FGF14: variants seen among roughly 807,000 people sequenced by gnomAD.
FGF14 encodes the protein fibroblast growth factor homologous factor 4.
Under a neutral mutation model 25.5 loss-of-function variants are expected in FGF14, and 5 were observed. The observed-to-expected ratio is 0.20, with a 90% CI of 0.10 to 0.41. The LOEUF (loss-of-function observed/expected upper bound fraction) is 0.41. FGF14 is among the 10% of genes least tolerant of loss of function. The pLI is 1.00. For synonymous variants in FGF14, 138 were observed against 118.3 expected, an observed-to-expected ratio of 1.17 and a Z score of -1.08; for missense variants, 222 against 320.1, an observed-to-expected ratio of 0.69 and a Z score of 2.34.
At chr13:102,378,888 G>A (rs943078485) in intron 1 of FGF14, among the ~76,000 whole-genome samples, 2 of 152,048 alleles carry the variant, frequency 1.3e-5, no homozygotes, top group Non-Finnish European at 2.9e-5. Flanking sequence ...GAGGCATTTA[G>A]TGGCCTTTAC....
chr13:102,195,313 A>G (rs2140847769), intron 1 of FGF14, among the ~76,000 whole-genome samples: 1 of 152,292 alleles, frequency 6.6e-6, no homozygotes, highest in African/African-American at 2.4e-5. Context: ...TGATGGACTT[A>G]TAATCTGTAA....
rs144066011 is a variant in FGF14 at position 102,144,199 on chromosome 13, G to C, written c.208+257272C>G. Among the ~76,000 whole-genome samples the C allele has an allele frequency of 1.8e-3, 270 of 152,150 alleles. 1 individual carries two copies. The highest frequency in any genetic ancestry group is 6.3e-3 in the African/African-American group (260 of 41,514). ...CCTGGCTAATATATATCTATGGCATGAGCTACTGTATCTGGCCCGCCATGC... is the reference window on the plus strand; with the variant it reads ...CCTGGCTAATATATATCTATGGCATCAGCTACTGTATCTGGCCCGCCATGC... On this transcript the variant is annotated intron_variant, in intron 1 of 4. Transcript: ENST00000376131.
intron 1 of FGF14, among the ~76,000 whole-genome samples, chr13:102,162,568 TATA>T (rs1179228554): frequency 6.6e-5 from 10 of 152,214 alleles, no homozygotes; most frequent in African/African-American, 2.4e-4. Context: ...GTATCAAGTT[TATA>T]ATATTACTAC....
chr13:102,367,517 C>A (rs2057747724), intron 1 of FGF14: 1 of 152,190 alleles, frequency 6.6e-6, no homozygotes, highest in Non-Finnish European at 1.5e-5. Flanking sequence ...GCTCTATTCA[C>A]TGACAGAGGG....
chr13:101,711,314 C>T lies in FGF14; in HGVS notation c.*11517G>A, dbSNP rs1225428374. 1 of 152,194 alleles carries T rather than the reference C, an allele frequency of 6.6e-6. No homozygotes were observed. The highest frequency in any genetic ancestry group is 2.4e-5 in the African/African-American group (1 of 41,410). 9.4% of individuals were successfully genotyped at this position (152,194 alleles called of 1,614,324 possible). ...ATGTCATTAACTGTCTCCTTAAACT[C>T]TCACAGTGATACTTCTTGGGTCCCA... On this transcript the variant is annotated 3_prime_UTR_variant, in exon 5 of 5. Transcript: ENST00000376143.
chr13:102,074,094 T>C (rs371177139), intron 1 of FGF14, among the ~76,000 whole-genome samples: 66 of 152,262 alleles, frequency 4.3e-4, no homozygotes, highest in African/African-American at 1.5e-3. Context: ...TCACTGCAGC[T>C]TCAACCTCCT....
intron 1 of FGF14, among the ~76,000 whole-genome samples, chr13:101,880,463 AG>A (rs2045641903): frequency 2.0e-5 from 3 of 152,162 alleles, no homozygotes; most frequent in African/African-American, 7.2e-5. Context: ...GCTATTCTGG[AG>A]GCTGAGGCAT....
intron 1 of FGF14, among the ~76,000 whole-genome samples, chr13:102,019,845 T>C (rs1398304359): frequency 1.3e-5 from 2 of 152,142 alleles, no homozygotes; most frequent in Non-Finnish European, 2.9e-5. Context: ...AGAATTGGAC[T>C]CGTATTGTTG....
At chr13:102,072,655 G>A (rs1177174289) in intron 1 of FGF14, among the ~76,000 whole-genome samples, 1 of 152,176 alleles carries the variant, frequency 6.6e-6, no homozygotes, top group Non-Finnish European at 1.5e-5. Flanking sequence ...CAGCCAAGTT[G>A]CTTTAATGTG....
At chr13:101,992,681 A>G (rs1016016106) in intron 1 of FGF14, among the ~76,000 whole-genome samples, 7 of 152,112 alleles carry the variant, frequency 4.6e-5, no homozygotes, top group Non-Finnish European at 5.9e-5. Context: ...TTTTAAAAAG[A>G]AACTGACAGA....
At chr13:102,119,550 A>G (rs1013642585) in intron 1 of FGF14, among the ~76,000 whole-genome samples, 16 of 152,178 alleles carry the variant, frequency 1.1e-4, no homozygotes, top group African/African-American at 3.9e-4. Context: ...ATGTCAGTGG[A>G]AGTCCTTATT....
chr13:101,752,454 CTT>C (rs1420996087), intron 3 of FGF14, among the ~76,000 whole-genome samples: 2 of 152,082 alleles, frequency 1.3e-5, no homozygotes, highest in African/African-American at 4.8e-5. Context: ...ACAAACAAGT[CTT>C]AATATTGTGA....
chr13:102,093,762 C>A (rs1399909176), intron 1 of FGF14, among the ~76,000 whole-genome samples: 2 of 149,240 alleles, frequency 1.3e-5, no homozygotes, highest in East Asian at 2.0e-4. Context: ...TTGAGGTCTG[C>A]AGCTGTGGTT....
chr13:102,204,497 A>G (rs1210773534), intron 1 of FGF14, among the ~76,000 whole-genome samples: 1 of 152,188 alleles, frequency 6.6e-6, no homozygotes, highest in African/African-American at 2.4e-5. Context: ...TGGTTGGTGC[A>G]GGTTCAAACA....
intron 1 of FGF14, among the ~76,000 whole-genome samples, chr13:102,066,076 A>G (rs1246044996): frequency 2.0e-5 from 3 of 152,144 alleles, no homozygotes; most frequent in Non-Finnish European, 4.4e-5. Flanking sequence ...ATGTCAGCAC[A>G]AAATAATACA....
chr13:102,233,201 C>A (rs1469402951), intron 1 of FGF14, among the ~76,000 whole-genome samples: 2 of 152,156 alleles, frequency 1.3e-5, no homozygotes, highest in African/African-American at 4.8e-5. Context: ...GTAGCATGAT[C>A]TCGGCTCACT....
At chr13:102,196,434 G>C (rs1399308945) in intron 1 of FGF14, among the ~76,000 whole-genome samples, 2 of 152,124 alleles carry the variant, frequency 1.3e-5, no homozygotes, top group Non-Finnish European at 2.9e-5. Flanking sequence ...AATCCTTCCT[G>C]CTGCAGCAAT....
At position 101,714,244 on chromosome 13, in the gene FGF14, T is replaced by C; in HGVS notation, c.*8587A>G. On this transcript the variant is annotated 3_prime_UTR_variant, in exon 5 of 5. Coordinates refer to ENST00000376143, the MANE Select transcript of FGF14 (RefSeq NM_004115.4). The stretch of plus-strand genomic sequence containing the variant: ...TAATTGCAACTGTCTAGATCCATAA[T>C]GAAGGCTTTCCTGGGTGACCTTTAT... The C allele has an allele frequency of 1.7e-6, 1 of 588,482 alleles. No homozygotes were observed. Among genetic ancestry groups the C allele is most frequent in the Non-Finnish European group, 3.0e-6 (1 of 329,862 alleles). 36.5% of individuals were successfully genotyped at this position (588,482 alleles called of 1,614,324 possible).
At chr13:102,349,234 C>T (rs760901944) in intron 1 of FGF14, among the ~76,000 whole-genome samples, 7 of 152,196 alleles carry the variant, frequency 4.6e-5, no homozygotes, top group Non-Finnish European at 1.0e-4. Flanking sequence ...TCACACCAAG[C>T]ATCATCTCTT....
Sources: gnomAD v4.1 joint callset for allele counts (sites outside exome capture counted in the v4.1 genomes callset) on GRCh38, gnomAD v4.1.1 for gene constraint, MANE v1.5 for transcripts, NCBI Gene and HGNC (gene_info 2026-07-23, HGNC 2026-07-21) for gene names.